PTPN13: variants seen among roughly 807,000 people sequenced by gnomAD.
PTPN13 encodes tyrosine-protein phosphatase non-receptor type 13.
In PTPN13, 191 loss-of-function variants were observed where a neutral mutation model predicts 284.0. The ratio of observed to expected loss-of-function variants is 0.67; its 90% CI spans 0.60 to 0.76. The LOEUF (loss-of-function observed/expected upper bound fraction) is 0.76, where lower values mean the gene tolerates loss of function less well. PTPN13 is among the 30% of genes least tolerant of loss of function. The pLI is 0.00. For missense variants in PTPN13, 2,797 were observed against 2,939.9 expected, an observed-to-expected ratio of 0.95 and a Z score of 1.12; for synonymous variants, 986 against 1,022.3, an observed-to-expected ratio of 0.96 and a Z score of 0.68.
intron 10 of PTPN13, among the ~76,000 whole-genome samples, chr4:86,730,712 A>C (rs72872237): frequency 0.014 from 2,025 of 149,204 alleles, 123 homozygotes; most frequent in African/African-American, 0.046. Context: ...AGTTTGTCTC[A>C]GCTTCCCTTG....
intron 10 of PTPN13, among the ~76,000 whole-genome samples, chr4:86,729,067 T>C (rs966732417): frequency 2.7e-5 from 4 of 149,342 alleles, no homozygotes; most frequent in Non-Finnish European, 4.5e-5. Context: ...CATTTGCTTG[T>C]CTGTAAAGGA....
intron 40 of PTPN13, among the ~76,000 whole-genome samples, chr4:86,790,171 G>A (rs902326267): frequency 5.9e-5 from 9 of 152,122 alleles, no homozygotes; most frequent in Admixed American, 3.3e-4. Context: ...GCAGCTTCTC[G>A]AAAGAGATGA....
intron 2 of PTPN13, among the ~76,000 whole-genome samples, chr4:86,638,714 A>G (rs1337598449): frequency 6.6e-6 from 1 of 152,184 alleles, no homozygotes; most frequent in Non-Finnish European, 1.5e-5. Flanking sequence ...TAGACCTAAA[A>G]CCATAAAAAC....
chr4:86,734,854 G>A lies in PTPN13; in HGVS notation c.2130G>A (p.Glu710=). 6.2e-7 allele frequency: 1 copy of A among 1,612,222 alleles called. No homozygotes were observed. Among genetic ancestry groups the A allele is most frequent in the African/African-American group, 1.3e-5 (1 of 75,004 alleles). The part of the protein sequence containing the change: ...LLLASLALQA[E]YGDYQPEVHG... ...TGGCATCCTTGGCTCTCCAGGCTGA[G>A]TATGGAGATTATCAACCAGAGGTAG... The change falls in exon 14 of 48, where the codon GAG becomes GAA. Residue 710 remains glutamate (E), a synonymous_variant. Coordinates refer to ENST00000411767, the MANE Select transcript of PTPN13 (RefSeq NM_080683.3).
chr4:86,770,276 C>T (rs1739837770), intron 30 of PTPN13, 77 bp downstream of exon 30: 7 of 1,340,394 alleles, frequency 5.2e-6, no homozygotes, highest in Non-Finnish European at 6.3e-6. Flanking sequence ...GTGGTGGTTT[C>T]ATCATGAATT....
chr4:86,632,232 C>T (rs1219940064), intron 1 of PTPN13, among the ~76,000 whole-genome samples: 1 of 152,098 alleles, frequency 6.6e-6, no homozygotes, highest in Non-Finnish European at 1.5e-5. Context: ...TTTTCCCTTC[C>T]CTAGCTAAGA....
Position 86,784,572 on chromosome 4 carries a change from T to C in PTPN13, c.6118+14T>C. ...CTCTGCCCAAAGGTAGTTTTCCAAA[T>C]CAGTCATCTAATTACTCTAAATGCC... On this transcript the variant is annotated intron_variant, in intron 38 of 47. Transcript: ENST00000411767. 6.4e-7 allele frequency: 1 copy of C among 1,550,620 alleles called. No homozygotes were observed. The highest frequency in any genetic ancestry group is 8.8e-7 in the Non-Finnish European group (1 of 1,130,518).
Position 86,669,526 on chromosome 4 carries a change from A to G in PTPN13, c.116-2839A>G, listed in dbSNP as rs371455615. On this transcript the variant is annotated intron_variant, in intron 2 of 47. Coordinates refer to ENST00000411767, the MANE Select transcript of PTPN13 (RefSeq NM_080683.3). ...AGATACATATAGTTCTTAACAGAGTAATTATCAGTTTACTGACCTTGGTTG... is the reference window on the plus strand; with the variant it reads ...AGATACATATAGTTCTTAACAGAGTGATTATCAGTTTACTGACCTTGGTTG... Among the ~76,000 whole-genome samples the G allele has an allele frequency of 8.5e-5, 13 of 152,278 alleles. No individual in the cohort carries two copies. The East Asian group carries it at 2.5e-3, about 29-fold the overall frequency.
rs200007482 is a variant in PTPN13 at position 86,763,233 on chromosome 4, G to A, written c.4017+43G>A. Reference sequence around the variant, plus strand: ...TATTTTGGTTTTCTCATTTAACAAAGCAAAATAGCAGCAAATAAGTTACAG... The same window carrying A: ...TATTTTGGTTTTCTCATTTAACAAAACAAAATAGCAGCAAATAAGTTACAG... On this transcript the variant is annotated intron_variant, in intron 24 of 47. Coordinates refer to ENST00000411767, the MANE Select transcript of PTPN13 (RefSeq NM_080683.3). 4.3e-5 allele frequency: 64 copies of A among 1,477,226 alleles called. No individual in the cohort carries two copies. In the African/African-American group the frequency reaches 6.9e-4, roughly 16 times the overall value. The allele number at this position is 1,477,226 out of a possible 1,614,324, so 91.5% of individuals were successfully genotyped here.
chr4:86,785,812 T>C (rs2149319896), intron 39 of PTPN13, 36 bp from the exon 40 acceptor site: 1 of 1,353,200 alleles, frequency 7.4e-7, no homozygotes, highest in East Asian at 2.6e-5. Flanking sequence ...TCAATAGTTT[T>C]ATAAATTCCT....
At chr4:86,691,434 G>C (rs534791679) in intron 5 of PTPN13, among the ~76,000 whole-genome samples, 46 of 152,146 alleles carry the variant, frequency 3.0e-4, no homozygotes, top group African/African-American at 9.2e-4. Context: ...AGCATGTAGA[G>C]AGCCTCTCTT....
chr4:86,687,774 A>C (rs115493327), intron 4 of PTPN13, among the ~76,000 whole-genome samples: 1 of 152,152 alleles, frequency 6.6e-6, no homozygotes, highest in Non-Finnish European at 1.5e-5. Flanking sequence ...ATCACAGTCT[A>C]TAACACTTTA....
At chr4:86,607,157 T>G (rs530130853) in intron 1 of PTPN13, among the ~76,000 whole-genome samples, 1 of 151,768 alleles carries the variant, frequency 6.6e-6, no homozygotes, top group Non-Finnish European at 1.5e-5. Context: ...ATCTTTTTTT[T>G]AAAAAAAGTC....
At chr4:86,618,539 T>C (rs1270951022) in intron 1 of PTPN13, among the ~76,000 whole-genome samples, 3 of 152,220 alleles carry the variant, frequency 2.0e-5, no homozygotes, top group Non-Finnish European at 4.4e-5. Context: ...TTTCACAATA[T>C]TGATTCTTCC....
intron 2 of PTPN13, among the ~76,000 whole-genome samples, chr4:86,644,279 G>A (rs1001492255): frequency 1.3e-5 from 2 of 152,016 alleles, no homozygotes; most frequent in African/African-American, 4.8e-5. Context: ...CTACAGGTGT[G>A]TGCTACCACG....
chr4:86,633,781 A>G (rs1722721627), intron 1 of PTPN13, among the ~76,000 whole-genome samples: 1 of 152,198 alleles, frequency 6.6e-6, no homozygotes, highest in South Asian at 2.1e-4. Flanking sequence ...ATCTTTAGAA[A>G]GGAATGAAGC....
At chr4:86,746,753 C>T (rs1183653919) in intron 17 of PTPN13, among the ~76,000 whole-genome samples, 1 of 152,164 alleles carries the variant, frequency 6.6e-6, no homozygotes, top group African/African-American at 2.4e-5. Context: ...CTGCCTCAGC[C>T]TCCAGACTAG....
intron 17 of PTPN13, among the ~76,000 whole-genome samples, chr4:86,749,991 AC>A (rs1565480297): frequency 6.6e-6 from 1 of 152,186 alleles, no homozygotes; most frequent in East Asian, 1.9e-4. Flanking sequence ...AGCTTTAAAA[AC>A]TGTCTGGGCA....
chr4:86,768,728 T>G (rs1739617577), intron 28 of PTPN13, among the ~76,000 whole-genome samples: 1 of 148,408 alleles, frequency 6.7e-6, no homozygotes, highest in African/African-American at 2.5e-5. Context: ...TTTTTTTTTT[T>G]GAAACAGAGT....
Sources: allele counts gnomAD v4.1 joint callset (sites outside exome capture counted in the v4.1 genomes callset), GRCh38; gene constraint gnomAD v4.1.1; transcripts MANE v1.5; gene names NCBI Gene and HGNC (gene_info 2026-07-23, HGNC 2026-07-21).